The following ATP2B2 variants were observed in gnomAD, a reference collection of about 807,000 sequenced individuals.
ATP2B2 encodes ATPase plasma membrane Ca2+ transporting 2, also known as plasma membrane calcium-transporting ATPase 2.
Under a neutral mutation model 120.0 loss-of-function variants are expected in ATP2B2, and 15 were observed. The ratio of observed to expected loss-of-function variants is 0.12; its 90% CI spans 0.08 to 0.19. The LOEUF (loss-of-function observed/expected upper bound fraction) is 0.19, where lower values mean the gene tolerates loss of function less well. Among genes scored for constraint, ATP2B2 ranks in the 10% least tolerant of loss-of-function variants. ATP2B2 has a pLI of 1.00. For missense variants in ATP2B2, 1,045 were observed against 1,719.8 expected (o/e 0.61, Z 6.94); for synonymous variants, 694 against 700.3 (o/e 0.99, Z 0.14).
At chr3:10,453,893 C>T (rs1172632106) in intron 1 of ATP2B2, among the ~76,000 whole-genome samples, 1 of 150,254 alleles carries the variant, frequency 6.7e-6, no homozygotes, top group Non-Finnish European at 1.5e-5. Flanking sequence ...CCTGCCCACT[C>T]ACCCACCCTT....
At chr3:10,531,081 G>A (rs531734680) in intron 3 of ATP2B2, among the ~76,000 whole-genome samples, 12 of 152,178 alleles carry the variant, frequency 7.9e-5, no homozygotes, top group Admixed American at 1.3e-4. Context: ...GCAGTGACTC[G>A]AGCTGCTTTG....
chr3:10,433,163 T>C (rs1248275884), intron 2 of ATP2B2, among the ~76,000 whole-genome samples: 4 of 152,202 alleles, frequency 2.6e-5, no homozygotes, highest in African/African-American at 7.2e-5. Context: ...TAGCCACTTA[T>C]GGGCTGAGGC....
chr3:10,479,385 C>T (rs183850654), intron 1 of ATP2B2, among the ~76,000 whole-genome samples: 18 of 151,916 alleles, frequency 1.2e-4, no homozygotes, highest in Admixed American at 1.1e-3. Flanking sequence ...ATGCTGTTCC[C>T]TCCCTATCAT....
intron 2 of ATP2B2, among the ~76,000 whole-genome samples, chr3:10,426,518 GTGGACTCCCGTGTCCT>G (rs1014855187): frequency 7.9e-5 from 12 of 152,286 alleles, no homozygotes; most frequent in African/African-American, 2.4e-4. Flanking sequence ...AAGCGCCTCA[GTGGACTCCCGTGTCCT>G]TGCTGTCGAC....
intron 1 of ATP2B2, among the ~76,000 whole-genome samples, chr3:10,643,752 G>A (rs904270574): frequency 2.0e-5 from 3 of 152,138 alleles, no homozygotes; most frequent in Non-Finnish European, 4.4e-5. Flanking sequence ...CAAATTAAAG[G>A]AGGCTTAAGA....
chr3:10,418,197 C>T (rs1319636775), intron 2 of ATP2B2, among the ~76,000 whole-genome samples: 2 of 152,182 alleles, frequency 1.3e-5, no homozygotes, highest in Non-Finnish European at 2.9e-5. Context: ...AAATCTCCAT[C>T]CTATTTCTCC....
At chr3:10,562,627 C>G (rs1027207660) in intron 2 of ATP2B2, among the ~76,000 whole-genome samples, 2 of 152,206 alleles carry the variant, frequency 1.3e-5, no homozygotes, top group Admixed American at 1.3e-4. Context: ...CCTGCCCAAA[C>G]AGTCTTTTTC....
chr3:10,497,134 G>A (rs1205267267), intron 1 of ATP2B2, among the ~76,000 whole-genome samples: 2 of 152,236 alleles, frequency 1.3e-5, no homozygotes, highest in Admixed American at 1.3e-4. Flanking sequence ...AGAAAATTGA[G>A]GGAAGACAGA....
intron 22 of ATP2B2, chr3:10,336,409 A>G (rs774238978): frequency 9.0e-6 from 10 of 1,113,960 alleles, no homozygotes; most frequent in South Asian, 1.5e-5. Context: ...AACAACGACA[A>G]TGTCACTTAA....
chr3:10,493,743 A>T (rs1281443366), intron 1 of ATP2B2, among the ~76,000 whole-genome samples: 1 of 152,140 alleles, frequency 6.6e-6, no homozygotes, highest in East Asian at 1.9e-4. Context: ...AAACACAAAC[A>T]CAAAAACAAA....
At chr3:10,570,394 A>C (rs2068097935) in intron 2 of ATP2B2, 1 of 152,084 alleles carries the variant, frequency 6.6e-6, no homozygotes, top group Admixed American at 6.5e-5. Flanking sequence ...GCTGCCTGGC[A>C]CCCCTCGACT....
intron 2 of ATP2B2, among the ~76,000 whole-genome samples, chr3:10,577,494 G>A (rs1370104244): frequency 1.3e-5 from 2 of 152,142 alleles, no homozygotes; most frequent in African/African-American, 4.8e-5. Flanking sequence ...GGGATCCCAG[G>A]GCTGCAGAAA....
intron 3 of ATP2B2, among the ~76,000 whole-genome samples, chr3:10,516,135 C>A (rs1293208821): frequency 6.6e-6 from 1 of 152,254 alleles, no homozygotes; most frequent in African/African-American, 2.4e-5. Context: ...CAGCACACCA[C>A]AGAACCCTGG....
At chr3:10,659,168 AGG>A (rs2070715887) in intron 1 of ATP2B2, among the ~76,000 whole-genome samples, 3 of 152,226 alleles carry the variant, frequency 2.0e-5, no homozygotes, top group Non-Finnish European at 4.4e-5. Context: ...CATCGATGCT[AGG>A]AAGAAACTGC....
intron 12 of ATP2B2, among the ~76,000 whole-genome samples, chr3:10,362,994 G>A (rs1446847822): frequency 6.6e-6 from 1 of 152,006 alleles, no homozygotes; most frequent in African/African-American, 2.4e-5. Flanking sequence ...AGAAAATGAC[G>A]ACACAGAGGA....
chr3:10,359,749 G>A lies in ATP2B2; in HGVS notation c.1901+133C>T, dbSNP rs185368582. On this transcript the variant is annotated intron_variant, in intron 13 of 22. Transcript: ENST00000360273. ...GGCAGGGCCCTCTGTGGCTCTGGGT[G>A]CTAGACGGCCACTCCAGCCGGGCAG... 2.9e-5 allele frequency: 38 copies of A among 1,314,194 alleles called. 1 individual carries two copies. In the African/African-American group the frequency reaches 4.6e-4, roughly 16 times the overall value. The allele number at this position is 1,314,194 out of a possible 1,614,324, so 81.4% of individuals were successfully genotyped here.
chr3:10,414,164 G>T (rs571207464), intron 2 of ATP2B2, among the ~76,000 whole-genome samples: 1 of 152,328 alleles, frequency 6.6e-6, no homozygotes, highest in African/African-American at 2.4e-5. Flanking sequence ...AGAAAAAGTA[G>T]GTGAGGCCAG....
intron 1 of ATP2B2, among the ~76,000 whole-genome samples, chr3:10,697,350 G>A (rs2071756457): frequency 6.6e-6 from 1 of 152,088 alleles, no homozygotes; most frequent in African/African-American, 2.4e-5. Flanking sequence ...ATGACCTCCT[G>A]GCTGTGTGAC....
intron 3 of ATP2B2, among the ~76,000 whole-genome samples, chr3:10,531,121 G>C (rs2067200631): frequency 6.6e-6 from 1 of 152,146 alleles, no homozygotes; most frequent in Non-Finnish European, 1.5e-5. Flanking sequence ...GTTGCAGGAG[G>C]GGCAGCCTCT....
Sources: allele counts gnomAD v4.1 joint callset (sites outside exome capture counted in the v4.1 genomes callset), GRCh38; gene constraint gnomAD v4.1.1; transcripts MANE v1.5; gene names NCBI Gene and HGNC (gene_info 2026-07-23, HGNC 2026-07-21).